ADARB2: variants seen among roughly 807,000 people sequenced by gnomAD.
ADARB2 encodes the protein inactive double-stranded RNA-specific editase B2.
ADARB2 carries 25 observed loss-of-function variants against 62.2 expected under a neutral mutation model. The observed-to-expected ratio is 0.40, with a 90% CI of 0.29 to 0.56. The LOEUF (loss-of-function observed/expected upper bound fraction) is 0.56. Ranked by LOEUF, ADARB2 falls within the 20% of genes least tolerant of loss-of-function variation. The pLI, the probability that ADARB2 is intolerant of heterozygous loss-of-function variation, is 0.43. For missense variants in ADARB2, 1,071 were observed against 1,077.4 expected, an observed-to-expected ratio of 0.99 and a Z score of 0.08; for synonymous variants, 572 against 500.8, an observed-to-expected ratio of 1.14 and a Z score of -1.90.
At chr10:1,592,386 C>T (rs137988049) in intron 1 of ADARB2, among the ~76,000 whole-genome samples, 7,190 of 35,760 alleles carry the variant, frequency 0.2, 1,033 homozygotes, top group East Asian at 0.37. Context: ...CAGCTCCCTT[C>T]GCCCAAGCCA....
rs139701460 is a variant in ADARB2, at chr10:1,586,257, A to T, written c.100+150794T>A. On this transcript the variant is annotated intron_variant, in intron 1 of 9. Transcript: ENST00000381312. The stretch of plus-strand genomic sequence containing the variant: ...ACAACAAACAGCCACAAAAAGTCCA[A>T]CCCAGTTCTTCTGACCCCAGTCTTT... 1.7e-3 allele frequency among the ~76,000 whole-genome samples: 259 copies of T among 152,316 alleles called. 1 individual carries two copies. The highest frequency in any genetic ancestry group is 5.9e-3 in the African/African-American group (247 of 41,560).
chr10:1,249,784 C>T (rs1318623483), intron 4 of ADARB2, among the ~76,000 whole-genome samples: 1 of 152,030 alleles, frequency 6.6e-6, no homozygotes, highest in African/African-American at 2.4e-5. Flanking sequence ...AACACAAGCA[C>T]TGTCTGAACA....
intron 3 of ADARB2, among the ~76,000 whole-genome samples, chr10:1,311,910 CTG>C (rs1217230513): frequency 2.0e-5 from 3 of 152,166 alleles, no homozygotes; most frequent in African/African-American, 7.2e-5. Flanking sequence ...ATGATTGAGT[CTG>C]TGTCCTAATC....
intron 1 of ADARB2, among the ~76,000 whole-genome samples, chr10:1,586,019 G>C (rs1430719537): frequency 6.6e-6 from 1 of 152,140 alleles, no homozygotes; most frequent in African/African-American, 2.4e-5. Context: ...GGGTGACAGA[G>C]CGAGACTCCA....
At chr10:1,448,825 C>T (rs1831001799) in intron 1 of ADARB2, among the ~76,000 whole-genome samples, 1 of 152,042 alleles carries the variant, frequency 6.6e-6, no homozygotes, top group South Asian at 2.1e-4. Context: ...AACTTTAAAT[C>T]AAAGGAGCCA....
At chr10:1,419,417 A>C (rs1009088189) in intron 1 of ADARB2, among the ~76,000 whole-genome samples, 2 of 152,242 alleles carry the variant, frequency 1.3e-5, no homozygotes, top group Non-Finnish European at 2.9e-5. Flanking sequence ...ATGTATGGAC[A>C]GTGGAAACTT....
intron 8 of ADARB2, among the ~76,000 whole-genome samples, chr10:1,193,483 T>C (rs568956232): frequency 2.6e-5 from 4 of 152,356 alleles, no homozygotes; most frequent in Non-Finnish European, 5.9e-5. Flanking sequence ...TTCCAAATTA[T>C]GTATTTTTGT....
At chr10:1,580,390 G>A (rs937277510) in intron 1 of ADARB2, among the ~76,000 whole-genome samples, 10 of 152,016 alleles carry the variant, frequency 6.6e-5, no homozygotes, top group African/African-American at 2.2e-4. Context: ...GCATTAGTTC[G>A]CTTAGGATAA....
chr10:1,442,882 A>G (rs751025569), intron 1 of ADARB2, among the ~76,000 whole-genome samples: 4 of 152,216 alleles, frequency 2.6e-5, no homozygotes, highest in Non-Finnish European at 5.9e-5. Context: ...CAAGAGGAAA[A>G]ACAAAAACAA....
intron 1 of ADARB2, among the ~76,000 whole-genome samples, chr10:1,636,637 T>C (rs1421771670): frequency 3.3e-5 from 5 of 151,928 alleles, no homozygotes; most frequent in Non-Finnish European, 4.4e-5. Context: ...AAGAACACTT[T>C]GTTGATATAA....
At chr10:1,347,785 G>T (rs1463768942) in intron 3 of ADARB2, among the ~76,000 whole-genome samples, 1 of 152,196 alleles carries the variant, frequency 6.6e-6, no homozygotes, top group Non-Finnish European at 1.5e-5. Context: ...GGCACCCCCA[G>T]TGGACACCAG....
intron 1 of ADARB2, among the ~76,000 whole-genome samples, chr10:1,390,847 G>A (rs1564277355): frequency 6.6e-6 from 1 of 152,196 alleles, no homozygotes; most frequent in Non-Finnish European, 1.5e-5. Context: ...CTGCAAGCTG[G>A]GATCAGAACT....
intron 1 of ADARB2, among the ~76,000 whole-genome samples, chr10:1,407,870 AC>A (rs1298063673): frequency 1.3e-5 from 2 of 152,196 alleles, no homozygotes; most frequent in African/African-American, 4.8e-5. Context: ...GGGCAGACAG[AC>A]CCAAAGCCTC....
chr10:1,215,486 C>T (rs1837221316), intron 7 of ADARB2, among the ~76,000 whole-genome samples: 1 of 152,234 alleles, frequency 6.6e-6, no homozygotes, highest in South Asian at 2.1e-4. Flanking sequence ...CCCCACTCAG[C>T]CTCCTTCCTG....
intron 8 of ADARB2, among the ~76,000 whole-genome samples, chr10:1,192,479 G>A (rs764202831): frequency 6.6e-5 from 10 of 152,192 alleles, no homozygotes; most frequent in Non-Finnish European, 1.2e-4. Flanking sequence ...TATTAATGCC[G>A]TTTTATTCAT....
intron 1 of ADARB2, among the ~76,000 whole-genome samples, chr10:1,712,759 C>T: frequency 1.0e-5 from 1 of 97,450 alleles, no homozygotes; most frequent in East Asian, 4.5e-4. Context: ...CAGGCTCCCA[C>T]CACGACGCCC....
intron 1 of ADARB2, among the ~76,000 whole-genome samples, chr10:1,540,569 G>C (rs1376594482): frequency 4.6e-5 from 3 of 65,724 alleles, no homozygotes; most frequent in Non-Finnish European, 6.0e-5. Context: ...ACCCCACTCA[G>C]ATGTAGTTCA....
intron 1 of ADARB2, among the ~76,000 whole-genome samples, chr10:1,571,315 C>T (rs962452926): frequency 6.6e-6 from 1 of 151,024 alleles, no homozygotes; most frequent in African/African-American, 2.4e-5. Flanking sequence ...GCCTGTATGA[C>T]AGGTTTTGTT....
chr10:1,640,686 A>G (rs1833970466), intron 1 of ADARB2, among the ~76,000 whole-genome samples: 1 of 152,234 alleles, frequency 6.6e-6, no homozygotes, highest in Non-Finnish European at 1.5e-5. Context: ...ATGCACACAC[A>G]TAAATGTCTA....
Sources: allele counts gnomAD v4.1 joint callset (sites outside exome capture counted in the v4.1 genomes callset), GRCh38; gene constraint gnomAD v4.1.1; transcripts MANE v1.5; gene names NCBI Gene and HGNC (gene_info 2026-07-23, HGNC 2026-07-21).